Variants in ANKS1B observed in about 807,000 individuals in gnomAD.
ANKS1B encodes the protein ankyrin repeat and sterile alpha motif domain-containing protein 1B.
A neutral mutation model predicts 148.3 loss-of-function variants in ANKS1B; 36 were observed. That is an observed-to-expected ratio of 0.24 (90% confidence interval 0.19 to 0.32). The LOEUF is 0.32. Among genes scored for constraint, ANKS1B ranks in the 10% least tolerant of loss-of-function variants. The pLI is 1.00. For missense variants in ANKS1B, 1,157 were observed against 1,542.6 expected (o/e 0.75, Z 4.19); for synonymous variants, 542 against 560.8 (o/e 0.97, Z 0.47).
intron 4 of ANKS1B, among the ~76,000 whole-genome samples, chr12:99,796,282 C>T (rs1230265778): frequency 6.6e-6 from 1 of 151,912 alleles, no homozygotes; most frequent in African/African-American, 2.4e-5. Context: ...CTCAGAATGG[C>T]ATGGAATTTA....
intron 17 of ANKS1B, among the ~76,000 whole-genome samples, chr12:98,976,927 T>C (rs913933322): frequency 6.6e-6 from 1 of 152,232 alleles, no homozygotes; most frequent in South Asian, 2.1e-4. Flanking sequence ...AGACTAACTA[T>C]TTTCTTTTCA....
intron 1 of ANKS1B, among the ~76,000 whole-genome samples, chr12:99,962,021 A>G (rs1331041991): frequency 6.6e-6 from 1 of 152,134 alleles, no homozygotes; most frequent in Non-Finnish European, 1.5e-5. Flanking sequence ...AGATCCCTAG[A>G]TGTTTTCTTG....
At chr12:99,618,225 T>C (rs1290150619) in intron 9 of ANKS1B, among the ~76,000 whole-genome samples, 6 of 152,196 alleles carry the variant, frequency 3.9e-5, no homozygotes, top group Non-Finnish European at 8.8e-5. Flanking sequence ...TCCCCAGCAC[T>C]GTTTCCATCA....
At chr12:99,732,178 C>T (rs1381848071) in intron 8 of ANKS1B, among the ~76,000 whole-genome samples, 1 of 152,152 alleles carries the variant, frequency 6.6e-6, no homozygotes, top group African/African-American at 2.4e-5. Context: ...TACAGAGCAA[C>T]TGTAATACTT....
chr12:99,566,018 C>A (rs901104433), intron 9 of ANKS1B, among the ~76,000 whole-genome samples: 1 of 152,242 alleles, frequency 6.6e-6, no homozygotes, highest in Middle Eastern at 3.4e-3. Flanking sequence ...GTACTGAATA[C>A]GCTGACATTT....
chr12:99,270,672 A>G (rs2153987985), intron 12 of ANKS1B, among the ~76,000 whole-genome samples: 1 of 152,256 alleles, frequency 6.6e-6, no homozygotes, highest in African/African-American at 2.4e-5. Flanking sequence ...TATCAGCCTC[A>G]TCTTCCTCAA....
intron 11 of ANKS1B, among the ~76,000 whole-genome samples, chr12:99,411,851 A>G (rs548826560): frequency 6.6e-6 from 1 of 152,148 alleles, no homozygotes; most frequent in South Asian, 2.1e-4. Context: ...GATCTCTTTG[A>G]CCCTTCCTGT....
chr12:99,479,175 T>C (rs914071850), intron 10 of ANKS1B, among the ~76,000 whole-genome samples: 1 of 152,068 alleles, frequency 6.6e-6, no homozygotes, highest in Non-Finnish European at 1.5e-5. Flanking sequence ...AACCAAGTTT[T>C]TCTAAACATA....
rs1436048411 is a variant in ANKS1B at position 99,943,195 on chromosome 12, T to C, written c.134+40909A>G. Among the ~76,000 whole-genome samples, 4 of 152,180 alleles carry C rather than the reference T, an allele frequency of 2.6e-5. No homozygotes were observed. In the East Asian group the frequency reaches 7.7e-4, roughly 29 times the overall value. On this transcript the variant is annotated intron_variant, in intron 1 of 26. Coordinates refer to ENST00000683438, the MANE Select transcript of ANKS1B (RefSeq NM_001352186.2). ...ACCACATCTGAAACCCATCCTTTCT[T>C]TGGACTTTTCAGTTACATGATCCAA...
chr12:99,828,282 C>T (rs1380469079), intron 1 of ANKS1B, among the ~76,000 whole-genome samples: 1 of 152,128 alleles, frequency 6.6e-6, no homozygotes, highest in Non-Finnish European at 1.5e-5. Flanking sequence ...GATTGGTAGC[C>T]TTCATCAACT....
intron 15 of ANKS1B, among the ~76,000 whole-genome samples, chr12:99,102,629 G>A (rs187920037): frequency 2.0e-5 from 3 of 152,246 alleles, no homozygotes; most frequent in East Asian, 3.9e-4. Flanking sequence ...CTGTAGTCCC[G>A]GCTACTCCGG....
chr12:99,093,937 A>G (rs1414478918), intron 15 of ANKS1B, among the ~76,000 whole-genome samples: 1 of 152,180 alleles, frequency 6.6e-6, no homozygotes, highest in Non-Finnish European at 1.5e-5. Flanking sequence ...TCCTGATAAA[A>G]TACAGAAATT....
intron 8 of ANKS1B, among the ~76,000 whole-genome samples, chr12:99,663,696 T>C (rs1162376419): frequency 1.4e-5 from 2 of 148,046 alleles, no homozygotes; most frequent in Non-Finnish European, 3.0e-5. Context: ...GGTGATATTT[T>C]AAACTTGAGG....
intron 1 of ANKS1B, among the ~76,000 whole-genome samples, chr12:99,855,294 C>T (rs1435055485): frequency 6.6e-6 from 1 of 151,976 alleles, no homozygotes; most frequent in Non-Finnish European, 1.5e-5. Context: ...TATATTGCAA[C>T]AGCAGTTTAA....
At chr12:99,414,743 G>C (rs1420318398) in intron 11 of ANKS1B, among the ~76,000 whole-genome samples, 1 of 152,198 alleles carries the variant, frequency 6.6e-6, no homozygotes, top group African/African-American at 2.4e-5. Flanking sequence ...ATGATGTGTT[G>C]ATGGGTGCAA....
At chr12:99,477,032 A>G (rs1197588932) in intron 10 of ANKS1B, among the ~76,000 whole-genome samples, 1 of 152,138 alleles carries the variant, frequency 6.6e-6, no homozygotes, top group East Asian at 1.9e-4. Context: ...CGGAACACAA[A>G]GTGCTCCATC....
chr12:99,739,124 C>T (rs372369489), intron 8 of ANKS1B, among the ~76,000 whole-genome samples: 20 of 152,010 alleles, frequency 1.3e-4, no homozygotes, highest in Admixed American at 2.0e-4. Flanking sequence ...CTCCCATCTC[C>T]TAACTTTCAC....
At chr12:99,532,609 C>G (rs2097011759) in intron 9 of ANKS1B, among the ~76,000 whole-genome samples, 1 of 152,154 alleles carries the variant, frequency 6.6e-6, no homozygotes, top group Non-Finnish European at 1.5e-5. Flanking sequence ...AGCCACCCAC[C>G]TCGGCCTCCC....
intron 17 of ANKS1B, among the ~76,000 whole-genome samples, chr12:98,845,975 T>C (rs564015785): frequency 0.14 from 13,873 of 98,522 alleles, 2,061 homozygotes; most frequent in African/African-American, 0.37. Context: ...CATATATATA[T>C]ATATACACAC....
Sources: gnomAD v4.1 joint callset for allele counts (sites outside exome capture counted in the v4.1 genomes callset) on GRCh38, gnomAD v4.1.1 for gene constraint, MANE v1.5 for transcripts, NCBI Gene and HGNC (gene_info 2026-07-23, HGNC 2026-07-21) for gene names.